CDH12: variants seen among roughly 807,000 people sequenced by gnomAD.
CDH12 encodes the protein cadherin-12.
Under a neutral mutation model 74.1 loss-of-function variants are expected in CDH12, and 41 were observed. The observed-to-expected ratio is 0.55, with a 90% confidence interval of 0.43 to 0.72. The LOEUF is 0.72. Ranked by LOEUF, CDH12 falls within the 30% of genes least tolerant of loss-of-function variation. The pLI is 0.00. For missense variants in CDH12, 945 were observed against 977.2 expected (o/e 0.97, Z 0.44); for synonymous variants, 399 against 355.0 (o/e 1.12, Z -1.39).
At chr5:22,472,307 C>A (rs891736277) in intron 2 of CDH12, among the ~76,000 whole-genome samples, 5 of 152,172 alleles carry the variant, frequency 3.3e-5, no homozygotes, top group Middle Eastern at 3.4e-3. Context: ...TTGCTAGCTG[C>A]CATTCATTTT....
At chr5:22,137,554 C>T (rs1746532847) in intron 4 of CDH12, among the ~76,000 whole-genome samples, 1 of 152,034 alleles carries the variant, frequency 6.6e-6, no homozygotes, top group Admixed American at 6.6e-5. Context: ...AATAACCCTG[C>T]ACATGCATGT....
At chr5:22,557,019 C>A (rs976010807) in intron 1 of CDH12, among the ~76,000 whole-genome samples, 2 of 152,026 alleles carry the variant, frequency 1.3e-5, no homozygotes, top group African/African-American at 4.8e-5. Flanking sequence ...TACTTTTCTA[C>A]TAGTTCTCTC....
chr5:22,828,471 G>A (rs1426895426), intron 1 of CDH12, among the ~76,000 whole-genome samples: 1 of 152,156 alleles, frequency 6.6e-6, no homozygotes, highest in Non-Finnish European at 1.5e-5. Context: ...CCAAGTTAAA[G>A]GTTATATACA....
chr5:22,202,165 TCCTC>T (rs777146870), intron 4 of CDH12, among the ~76,000 whole-genome samples: 3,526 of 43,474 alleles, frequency 0.081, 437 homozygotes, highest in East Asian at 0.24. Flanking sequence ...CTTCCTTCCT[TCCTC>T]CCTTCCTTCC....
intron 5 of CDH12, among the ~76,000 whole-genome samples, chr5:22,075,147 C>A (rs1316905073): frequency 6.6e-6 from 1 of 151,902 alleles, no homozygotes. Context: ...AGGATGAGTT[C>A]ATGTCCTTTG....
chr5:22,175,649 A>G (rs1283932921), intron 4 of CDH12, among the ~76,000 whole-genome samples: 2 of 152,152 alleles, frequency 1.3e-5, no homozygotes, highest in Non-Finnish European at 2.9e-5. Flanking sequence ...TGAATGGGAC[A>G]TGCCTGTAAA....
chr5:22,393,837 A>C (rs1290500651), intron 3 of CDH12, among the ~76,000 whole-genome samples: 1 of 152,172 alleles, frequency 6.6e-6, no homozygotes, highest in Non-Finnish European at 1.5e-5. Flanking sequence ...GCCAAGGGAA[A>C]GTTAATCCTT....
intron 1 of CDH12, among the ~76,000 whole-genome samples, chr5:22,677,684 A>G (rs1741270210): frequency 6.6e-6 from 1 of 152,158 alleles, no homozygotes. Flanking sequence ...AGAGCAGGAT[A>G]AAGATGGCCT....
intron 5 of CDH12, among the ~76,000 whole-genome samples, chr5:22,047,877 A>G (rs949787083): frequency 6.6e-6 from 1 of 152,204 alleles, no homozygotes; most frequent in Non-Finnish European, 1.5e-5. Context: ...TGAGATGGTC[A>G]CACAGAGACT....
chr5:21,883,285 CA>C (rs1464435947), intron 6 of CDH12: 15 of 1,441,364 alleles, frequency 1.0e-5, no homozygotes, highest in Middle Eastern at 3.5e-4. Context: ...ATTAATACAT[CA>C]AAAGGTCAGA....
chr5:22,205,367 A>G (rs1751162716), intron 4 of CDH12, among the ~76,000 whole-genome samples: 2 of 152,214 alleles, frequency 1.3e-5, no homozygotes, highest in South Asian at 4.1e-4. Context: ...ATAATCAAAT[A>G]AATTTAAAAG....
At chr5:22,347,931 A>G (rs1415973132) in intron 3 of CDH12, among the ~76,000 whole-genome samples, 2 of 152,298 alleles carry the variant, frequency 1.3e-5, no homozygotes, top group East Asian at 3.9e-4. Context: ...GGCCTCAGCT[A>G]TTAACTATAT....
chr5:22,644,155 T>G (rs549720536), intron 1 of CDH12, among the ~76,000 whole-genome samples: 77 of 152,074 alleles, frequency 5.1e-4, no homozygotes, highest in African/African-American at 1.8e-3. Flanking sequence ...CATGTTCAAG[T>G]GAAAAGTCCC....
At chr5:22,532,771 A>T (rs1261619247) in intron 1 of CDH12, among the ~76,000 whole-genome samples, 1 of 152,062 alleles carries the variant, frequency 6.6e-6, no homozygotes, top group Non-Finnish European at 1.5e-5. Flanking sequence ...GAAATTTGTA[A>T]TTAAAAGCCT....
intron 2 of CDH12, among the ~76,000 whole-genome samples, chr5:22,450,849 CA>C (rs886836731): frequency 4.0e-5 from 6 of 150,604 alleles, no homozygotes; most frequent in Non-Finnish European, 8.9e-5. Context: ...CTCCTGTCTC[CA>C]GGTTTCTAGA....
intron 4 of CDH12, chr5:22,172,541 G>C (rs1749090095): frequency 6.6e-6 from 1 of 151,846 alleles, no homozygotes; most frequent in South Asian, 2.1e-4. Flanking sequence ...GGACTAAAAG[G>C]TTCATAGTTA....
intron 8 of CDH12, among the ~76,000 whole-genome samples, chr5:21,832,511 C>T (rs1424481005): frequency 2.0e-5 from 3 of 151,612 alleles, no homozygotes; most frequent in African/African-American, 4.8e-5. Context: ...ATGTATGTGA[C>T]ATTGTTAAGC....
intron 4 of CDH12, among the ~76,000 whole-genome samples, chr5:22,202,935 T>C (rs1391812186): frequency 6.6e-6 from 1 of 152,226 alleles, no homozygotes; most frequent in African/African-American, 2.4e-5. Flanking sequence ...ATTTTTGTTT[T>C]TCATGTGTCT....
At chr5:22,032,529 G>A (rs1476808959) in intron 5 of CDH12, among the ~76,000 whole-genome samples, 2 of 151,710 alleles carry the variant, frequency 1.3e-5, no homozygotes, top group Non-Finnish European at 2.9e-5. Flanking sequence ...TAGCCAACAT[G>A]GTGAAACCCC....
Sources: allele counts gnomAD v4.1 joint callset (sites outside exome capture counted in the v4.1 genomes callset), GRCh38; gene constraint gnomAD v4.1.1; transcripts MANE v1.5; gene names NCBI Gene and HGNC (gene_info 2026-07-23, HGNC 2026-07-21).